ATRNL1: variants seen among roughly 807,000 people sequenced by gnomAD.
ATRNL1 encodes attractin like 1.
ATRNL1 carries 95 observed loss-of-function variants against 182.7 expected under a neutral mutation model. The ratio of observed to expected loss-of-function variants is 0.52; its 90% CI spans 0.44 to 0.62. The LOEUF (loss-of-function observed/expected upper bound fraction) is 0.62. Among genes scored for constraint, ATRNL1 ranks in the 20% least tolerant of loss-of-function variants. The pLI is 0.00. For synonymous variants in ATRNL1, 576 were observed against 568.3 expected, an observed-to-expected ratio of 1.01 and a Z score of -0.19; for missense variants, 1,471 against 1,679.5, an observed-to-expected ratio of 0.88 and a Z score of 2.17.
chr10:115,694,487 T>A (rs1946491193), intron 26 of ATRNL1, among the ~76,000 whole-genome samples: 2 of 151,486 alleles, frequency 1.3e-5, no homozygotes, highest in African/African-American at 4.9e-5. Flanking sequence ...ATGTTAAAAC[T>A]TTTCATAATG....
chr10:115,261,163 C>T (rs1253265479), intron 10 of ATRNL1, among the ~76,000 whole-genome samples: 4 of 152,084 alleles, frequency 2.6e-5, no homozygotes, highest in East Asian at 1.9e-4. Context: ...AAAAGCAATA[C>T]GAGAAGCCAG....
chr10:115,604,445 GC>G, intron 26 of ATRNL1, among the ~76,000 whole-genome samples: 1 of 152,304 alleles, frequency 6.6e-6, no homozygotes, highest in African/African-American at 2.4e-5. Context: ...CTTCCAGCCA[GC>G]CCTTTCTGAG....
intron 9 of ATRNL1, among the ~76,000 whole-genome samples, chr10:115,223,929 A>ATATATATATATATATAT (rs1420143943): frequency 1.3e-4 from 6 of 44,732 alleles, no homozygotes; most frequent in African/African-American, 5.5e-4. Flanking sequence ...ATATATATAT[A>ATATATATATATATATAT]TTTTTTTTTT....
At chr10:115,740,921 G>A (rs1186403849) in intron 27 of ATRNL1, among the ~76,000 whole-genome samples, 2 of 151,784 alleles carry the variant, frequency 1.3e-5, no homozygotes, top group Admixed American at 1.3e-4. Flanking sequence ...TTTTTATGAA[G>A]GAGTTTTTAT....
At chr10:115,449,680 C>A (rs1847191337) in intron 21 of ATRNL1, among the ~76,000 whole-genome samples, 1 of 152,190 alleles carries the variant, frequency 6.6e-6, no homozygotes, top group Non-Finnish European at 1.5e-5. Context: ...CCAGTTGCTG[C>A]ACCTGCTCAC....
intron 27 of ATRNL1, among the ~76,000 whole-genome samples, chr10:115,791,980 T>C (rs1555081895): frequency 6.6e-6 from 1 of 152,322 alleles, no homozygotes; most frequent in African/African-American, 2.4e-5. Flanking sequence ...GCCAAACTTT[T>C]TGTTCTCTGG....
chr10:115,785,654 C>T (rs1949378920), intron 27 of ATRNL1, among the ~76,000 whole-genome samples: 1 of 152,214 alleles, frequency 6.6e-6, no homozygotes. Flanking sequence ...CAGCTACAAC[C>T]TTTGTGTTCT....
At chr10:115,502,133 T>A (rs555526372) in intron 24 of ATRNL1, among the ~76,000 whole-genome samples, 3 of 152,280 alleles carry the variant, frequency 2.0e-5, no homozygotes, top group African/African-American at 7.2e-5. Context: ...CTAAGTTATA[T>A]CAGAATTATG....
chr10:115,536,675 G>T (rs1422272052), intron 25 of ATRNL1, among the ~76,000 whole-genome samples: 2 of 152,228 alleles, frequency 1.3e-5, no homozygotes. Context: ...ACCTCAGATG[G>T]AAATGCAGAA....
At position 115,836,523 on chromosome 10, in the gene ATRNL1, A is replaced by T. The variant is rs114203698; in HGVS notation, c.3904-11354A>T. The stretch of plus-strand genomic sequence containing the variant: ...ACCCTGAGGGAGAGTTTTTCCGTGC[A>T]CCTCCCCTCGCTTCTGGCGTTGCCT... On this transcript the variant is annotated intron_variant, in intron 27 of 28. Coordinates refer to ENST00000355044, the MANE Select transcript of ATRNL1 (RefSeq NM_207303.4). Among the ~76,000 whole-genome samples, 859 of 151,862 alleles carry T rather than the reference A, an allele frequency of 5.7e-3. 4 individuals are homozygous for T. The highest frequency in any genetic ancestry group is 8.9e-3 in the Non-Finnish European group (608 of 67,944).
At chr10:115,890,517 C>G (rs897437409) in intron 28 of ATRNL1, among the ~76,000 whole-genome samples, 1 of 152,028 alleles carries the variant, frequency 6.6e-6, no homozygotes, top group Admixed American at 6.6e-5. Flanking sequence ...TTCTTCAGAT[C>G]ATCTTTTGAA....
At chr10:115,720,537 C>T (rs959205110) in intron 26 of ATRNL1, among the ~76,000 whole-genome samples, 43 of 152,086 alleles carry the variant, frequency 2.8e-4, no homozygotes, top group African/African-American at 9.4e-4. Flanking sequence ...TAGTTTGTAC[C>T]ACCCTGCTCT....
At position 115,587,764 on chromosome 10, in the gene ATRNL1, C is replaced by T. The variant is rs7901571; in HGVS notation, c.3795+38228C>T. On this transcript the variant is annotated intron_variant, in intron 26 of 28. Transcript: ENST00000355044. ...GCTGTAGACCAGAGCTGTTCCTATT[C>T]GGCCATCTTGGCTTCTCCTCCCAAC... 2.4e-3 allele frequency among the ~76,000 whole-genome samples: 366 copies of T among 152,234 alleles called. 5 individuals carry two copies. Among genetic ancestry groups the T allele is most frequent in the African/African-American group, 5.7e-3 (237 of 41,550 alleles).
chr10:115,807,665 T>TATAA (rs1322811871), intron 27 of ATRNL1, among the ~76,000 whole-genome samples: 2 of 152,210 alleles, frequency 1.3e-5, no homozygotes, highest in Non-Finnish European at 2.9e-5. Context: ...GTCATGCTTA[T>TATAA]GTTCATTCTA....
At chr10:115,547,159 G>A (rs758372375) in intron 25 of ATRNL1, among the ~76,000 whole-genome samples, 1 of 151,778 alleles carries the variant, frequency 6.6e-6, no homozygotes, top group Non-Finnish European at 1.5e-5. Flanking sequence ...GGAGGCTGAG[G>A]TGGGAGAATT....
chr10:115,219,244 A>AG (rs1389743238), intron 9 of ATRNL1, among the ~76,000 whole-genome samples: 1 of 151,804 alleles, frequency 6.6e-6, no homozygotes, highest in Non-Finnish European at 1.5e-5. Context: ...AAAAAAAAAA[A>AG]AAAAAGAAAA....
intron 26 of ATRNL1, among the ~76,000 whole-genome samples, chr10:115,682,030 T>G (rs935485737): frequency 5.7e-4 from 87 of 152,160 alleles, no homozygotes; most frequent in African/African-American, 2.1e-3. Flanking sequence ...GTAGTGATTT[T>G]TTTAGACTGT....
At chr10:115,140,095 GAGAA>G (rs1339158872) in intron 5 of ATRNL1, among the ~76,000 whole-genome samples, 1 of 152,194 alleles carries the variant, frequency 6.6e-6, no homozygotes, top group Non-Finnish European at 1.5e-5. Flanking sequence ...CAGGAATGGA[GAGAA>G]AGAATTGTAA....
chr10:115,814,989 T>G (rs1950128234), intron 27 of ATRNL1, among the ~76,000 whole-genome samples: 2 of 152,176 alleles, frequency 1.3e-5, no homozygotes, highest in South Asian at 4.1e-4. Flanking sequence ...CATATCTTAG[T>G]TTCAGGTAAC....
Sources: allele counts gnomAD v4.1 joint callset (sites outside exome capture counted in the v4.1 genomes callset), GRCh38; gene constraint gnomAD v4.1.1; transcripts MANE v1.5; gene names NCBI Gene and HGNC (gene_info 2026-07-23, HGNC 2026-07-21).